LDB2: variants seen among roughly 807,000 people sequenced by gnomAD.
The protein encoded by LDB2 is LIM domain binding 2, also known as LIM domain-binding protein 2.
Under a neutral mutation model 44.3 loss-of-function variants are expected in LDB2, and 12 were observed. The ratio of observed to expected loss-of-function variants is 0.27; its 90% CI spans 0.17 to 0.44. The LOEUF (loss-of-function observed/expected upper bound fraction) is 0.44, where lower values mean the gene tolerates loss of function less well. LDB2 is among the 20% of genes least tolerant of loss of function. LDB2 has a pLI of 1.00. For synonymous variants in LDB2, 164 were observed against 174.8 expected (o/e 0.94, Z 0.49); for missense variants, 344 against 473.5 (o/e 0.73, Z 2.54).
At chr4:16,572,587 A>G (rs1746962650) in intron 5 of LDB2, among the ~76,000 whole-genome samples, 1 of 151,896 alleles carries the variant, frequency 6.6e-6, no homozygotes, top group South Asian at 2.1e-4. Context: ...TTGTATATAT[A>G]TGTGTGTGTG....
At chr4:16,681,043 C>T (rs562787348) in intron 2 of LDB2, among the ~76,000 whole-genome samples, 1 of 152,264 alleles carries the variant, frequency 6.6e-6, no homozygotes, top group South Asian at 2.1e-4. Context: ...CTAGGTACTG[C>T]TATAAAGAGA....
chr4:16,799,324 G>T (rs1035767202), intron 1 of LDB2, among the ~76,000 whole-genome samples: 3 of 152,200 alleles, frequency 2.0e-5, no homozygotes, highest in African/African-American at 4.8e-5. Flanking sequence ...GGTGCCTGAG[G>T]CACCTGCTGG....
chr4:16,866,289 G>T (rs1205516293), intron 1 of LDB2, among the ~76,000 whole-genome samples: 2 of 152,108 alleles, frequency 1.3e-5, no homozygotes, highest in Admixed American at 6.6e-5. Flanking sequence ...GAAAGGACTG[G>T]GAAGAAGTAG....
At chr4:16,861,991 A>G (rs1029405834) in intron 1 of LDB2, among the ~76,000 whole-genome samples, 2 of 152,112 alleles carry the variant, frequency 1.3e-5, no homozygotes, top group African/African-American at 4.8e-5. Flanking sequence ...ACCCCCTCAG[A>G]CCTCAGTTTC....
chr4:16,766,432 G>A lies in LDB2; in HGVS notation c.133-7172C>T, dbSNP rs1018754892. Reference sequence around the variant, plus strand: ...TACACATATATGTCTATATATAAATGTATGTATGTGTGTGTATATATATAC... The same window carrying A: ...TACACATATATGTCTATATATAAATATATGTATGTGTGTGTATATATATAC... On this transcript the variant is annotated intron_variant, in intron 1 of 7. Coordinates refer to ENST00000304523, the MANE Select transcript of LDB2 (RefSeq NM_001290.5). Among the ~76,000 whole-genome samples, 116 of 143,052 alleles carry A rather than the reference G, an allele frequency of 8.1e-4. 1 individual carries two copies. Among genetic ancestry groups the A allele is most frequent in the Admixed American group, 2.1e-3 (31 of 14,588 alleles). 93.8% of individuals were successfully genotyped at this position (143,052 alleles called of 152,430 possible). A position where few individuals can be genotyped will look rare whatever the true frequency, so the allele number is the denominator to read the frequency against.
chr4:16,867,059 G>C (rs117951950), intron 1 of LDB2, among the ~76,000 whole-genome samples: 1 of 152,132 alleles, frequency 6.6e-6, no homozygotes, highest in Non-Finnish European at 1.5e-5. Context: ...ACTGCTGTCT[G>C]GCACAGCGTC....
intron 2 of LDB2, among the ~76,000 whole-genome samples, chr4:16,654,003 C>T (rs893264025): frequency 4.6e-5 from 7 of 152,126 alleles, no homozygotes; most frequent in African/African-American, 7.2e-5. Flanking sequence ...GGAACTTGGT[C>T]GCCACTCTGT....
chr4:16,871,112 T>G (rs957233329), intron 1 of LDB2, among the ~76,000 whole-genome samples: 4 of 152,226 alleles, frequency 2.6e-5, no homozygotes, highest in Non-Finnish European at 4.4e-5. Context: ...CAAATCATAC[T>G]GAAAGCAAAG....
chr4:16,670,539 G>A (rs2152555940), intron 2 of LDB2, among the ~76,000 whole-genome samples: 1 of 152,264 alleles, frequency 6.6e-6, no homozygotes, highest in South Asian at 2.1e-4. Context: ...CAATAGTTAA[G>A]TTCCAAAGTT....
chr4:16,873,392 T>G (rs1318587704), intron 1 of LDB2, among the ~76,000 whole-genome samples: 3 of 152,186 alleles, frequency 2.0e-5, no homozygotes, highest in East Asian at 3.8e-4. Flanking sequence ...CTGAAAGTGC[T>G]GGAGCACAGG....
At chr4:16,714,369 C>A (rs1007342930) in intron 2 of LDB2, among the ~76,000 whole-genome samples, 1 of 152,206 alleles carries the variant, frequency 6.6e-6, no homozygotes, top group Non-Finnish European at 1.5e-5. Context: ...TTCAGCTGGC[C>A]TGGGCAGCCA....
chr4:16,821,052 C>T (rs1157396770), intron 1 of LDB2, among the ~76,000 whole-genome samples: 1 of 152,156 alleles, frequency 6.6e-6, no homozygotes, highest in African/African-American at 2.4e-5. Context: ...AATTGCTTTA[C>T]AGCTATAAAA....
At chr4:16,752,466 G>C (rs1035835783) in intron 2 of LDB2, 2 of 451,198 alleles carry the variant, frequency 4.4e-6, no homozygotes, top group African/African-American at 4.0e-5. Flanking sequence ...TTCCTGTATA[G>C]AAAGAAGACA....
chr4:16,586,641 G>A (rs946839796), intron 4 of LDB2, among the ~76,000 whole-genome samples: 7 of 152,052 alleles, frequency 4.6e-5, no homozygotes, highest in East Asian at 1.9e-4. Context: ...CTGCAGGACT[G>A]TAAGAGTAAG....
intron 1 of LDB2, among the ~76,000 whole-genome samples, chr4:16,764,480 A>C (rs891218579): frequency 3.3e-5 from 5 of 151,686 alleles, no homozygotes; most frequent in African/African-American, 1.2e-4. Context: ...GTAGACACTC[A>C]GTTCTTGGTG....
At position 16,759,205 on chromosome 4, in the gene LDB2, G is replaced by A. The variant is rs1767343128; in HGVS notation, c.188C>T (p.Ala63Val). The change falls in exon 2 of 8, where the codon GCC (alanine) becomes GTC (valine). Residue 63 changes from alanine to valine, a missense_variant. Physicochemically the swap from Ala to Val is moderately conservative, Grantham distance 64 (BLOSUM62 0). Around this residue, in one of 3 missense-constraint regions of LDB2, gnomAD observed 226 missense variants for 270.1 expected, o/e 0.84. Transcript: ENST00000304523. Reference sequence around the variant, plus strand: ...CAAACAAAATGAAAGGGTTAATGTGGCGTCATCTTCAAAAAATTCAGTGGC... The same window carrying A: ...CAAACAAAATGAAAGGGTTAATGTGACGTCATCTTCAAAAAATTCAGTGGC... ...AFATEFFEDD[A>V]TLTLSFCLED... 6.2e-7 allele frequency: 1 copy of A among 1,614,042 alleles called. No homozygotes were observed. Among genetic ancestry groups the A allele is most frequent in the Non-Finnish European group, 8.5e-7 (1 of 1,179,940 alleles).
At chr4:16,739,973 A>T (rs1762909895) in intron 2 of LDB2, among the ~76,000 whole-genome samples, 2 of 151,766 alleles carry the variant, frequency 1.3e-5, no homozygotes, top group Non-Finnish European at 2.9e-5. Context: ...TCATACTTTT[A>T]AAACTTATAA....
intron 2 of LDB2, among the ~76,000 whole-genome samples, chr4:16,723,744 G>C (rs1758822952): frequency 6.6e-6 from 1 of 151,954 alleles, no homozygotes; most frequent in South Asian, 2.1e-4. Flanking sequence ...CTGCCCTCTT[G>C]CCTGAAATGT....
chr4:16,896,149 C>T lies in LDB2; in HGVS notation c.132+2205G>A, dbSNP rs182894417. Among the ~76,000 whole-genome samples the T allele has an allele frequency of 5.9e-3, 902 of 152,214 alleles. 10 individuals are homozygous for T. The highest frequency in any genetic ancestry group is 8.7e-3 in the Non-Finnish European group (592 of 68,000). ...AACAGTTCATAGCACTTTACTGTTA[C>T]AGGCAGGGAGGTTTAAAAAAATCTT... On this transcript the variant is annotated intron_variant, in intron 1 of 7. Coordinates refer to ENST00000304523, the MANE Select transcript of LDB2 (RefSeq NM_001290.5).
Sources: gnomAD v4.1 joint callset for allele counts (sites outside exome capture counted in the v4.1 genomes callset) on GRCh38, gnomAD v4.1.1 for gene constraint, gnomAD v4.1.1 regional missense constraint, MANE v1.5 for transcripts, NCBI Gene and HGNC (gene_info 2026-07-23, HGNC 2026-07-21) for gene names.